The following SLC25A26 variants were observed in gnomAD, a reference collection of about 807,000 sequenced individuals.
The protein encoded by SLC25A26 is solute carrier family 25 member 26, also known as mitochondrial S-adenosylmethionine carrier protein.
A neutral mutation model predicts 37.8 loss-of-function variants in SLC25A26; 36 were observed. The ratio of observed to expected loss-of-function variants is 0.95; its 90% CI spans 0.73 to 1.26. The LOEUF (loss-of-function observed/expected upper bound fraction) is 1.26, where lower values mean the gene tolerates loss of function less well. SLC25A26 is among the 50% of genes most tolerant of loss of function. The pLI, the probability that SLC25A26 is intolerant of heterozygous loss-of-function variation, is 0.00. For synonymous variants in SLC25A26, 129 were observed against 122.5 expected (o/e 1.05, Z -0.35); for missense variants, 390 against 331.1 (o/e 1.18, Z -1.38).
At chr3:66,312,784 G>T (rs2075419279) in intron 5 of SLC25A26, among the ~76,000 whole-genome samples, 1 of 152,242 alleles carries the variant, frequency 6.6e-6, no homozygotes, top group African/African-American at 2.4e-5. Context: ...CTTCTCGGGT[G>T]AGGCAACACC....
At chr3:66,213,347 C>T (rs1233332899) in intron 1 of SLC25A26, among the ~76,000 whole-genome samples, 3 of 131,266 alleles carry the variant, frequency 2.3e-5, no homozygotes, top group Non-Finnish European at 4.6e-5. Context: ...TGGCAATGAG[C>T]CAAGATCATG....
chr3:66,304,966 T>C (rs992628531), intron 5 of SLC25A26, among the ~76,000 whole-genome samples: 5 of 152,186 alleles, frequency 3.3e-5, no homozygotes, highest in African/African-American at 1.2e-4. Context: ...AAGTGTATCT[T>C]GTGATTTATT....
intron 5 of SLC25A26, among the ~76,000 whole-genome samples, chr3:66,269,792 G>T (rs1211804943): frequency 6.6e-6 from 1 of 152,142 alleles, no homozygotes; most frequent in Non-Finnish European, 1.5e-5. Flanking sequence ...ATCTGTCTCT[G>T]TGTATGTTTG....
intron 5 of SLC25A26, among the ~76,000 whole-genome samples, chr3:66,336,720 A>T (rs1021378984): frequency 1.5e-4 from 23 of 152,336 alleles, no homozygotes; most frequent in Non-Finnish European, 5.9e-5. Flanking sequence ...TTCAGGTTTC[A>T]TGAACAAGAA....
intron 1 of SLC25A26, among the ~76,000 whole-genome samples, chr3:66,192,244 A>G (rs2106792679): frequency 7.2e-6 from 1 of 139,418 alleles, no homozygotes; most frequent in African/African-American, 2.7e-5. Context: ...TGCACCTGGG[A>G]GGCGGAGGTT....
intron 1 of SLC25A26, among the ~76,000 whole-genome samples, chr3:66,200,541 G>A (rs2106812009): frequency 6.6e-6 from 1 of 152,356 alleles, no homozygotes; most frequent in South Asian, 2.1e-4. Flanking sequence ...ACTGCTTATT[G>A]TGGTTGCTCT....
At chr3:66,213,399 CAAAAAAAAAAA>C (rs1169648803) in intron 1 of SLC25A26, among the ~76,000 whole-genome samples, 34 of 28,842 alleles carry the variant, frequency 1.2e-3, no homozygotes, top group African/African-American at 3.4e-3. Context: ...GACTCTGTCT[CAAAAAAAAAAA>C]AAAAAAAAAA....
intron 1 of SLC25A26, among the ~76,000 whole-genome samples, chr3:66,209,502 T>C (rs2071245144): frequency 7.0e-6 from 1 of 142,296 alleles, no homozygotes; most frequent in African/African-American, 2.5e-5. Context: ...TATATGGGTA[T>C]ATAGTTATAT....
intron 1 of SLC25A26, among the ~76,000 whole-genome samples, chr3:66,206,212 G>A (rs980689418): frequency 7.2e-5 from 11 of 152,232 alleles, no homozygotes; most frequent in African/African-American, 2.4e-4. Flanking sequence ...GGGACTGTCC[G>A]CCATAACTGT....
At chr3:66,281,342 C>T (rs551622183) in intron 5 of SLC25A26, among the ~76,000 whole-genome samples, 139 of 152,234 alleles carry the variant, frequency 9.1e-4, no homozygotes, top group Non-Finnish European at 1.7e-3. Flanking sequence ...GCAATCTATG[C>T]GGTAATATTT....
At chr3:66,224,877 A>G (rs782707216) in intron 1 of SLC25A26, among the ~76,000 whole-genome samples, 2 of 152,208 alleles carry the variant, frequency 1.3e-5, no homozygotes, top group Admixed American at 6.5e-5. Flanking sequence ...GCCCCATGCA[A>G]GTCTGAAATC....
At chr3:66,193,505 A>C (rs1002832355) in intron 1 of SLC25A26, among the ~76,000 whole-genome samples, 1 of 152,214 alleles carries the variant, frequency 6.6e-6, no homozygotes, top group Non-Finnish European at 1.5e-5. Flanking sequence ...TCCAGAAATT[A>C]AATCAGTTCA....
intron 9 of SLC25A26, among the ~76,000 whole-genome samples, chr3:66,373,726 A>G (rs1366162936): frequency 6.8e-6 from 1 of 146,828 alleles, no homozygotes; most frequent in Non-Finnish European, 1.5e-5. Context: ...TACAATTTTC[A>G]TGGTTATTTT....
intron 5 of SLC25A26, among the ~76,000 whole-genome samples, chr3:66,328,093 G>A (rs2075883078): frequency 6.6e-6 from 1 of 152,086 alleles, no homozygotes; most frequent in Admixed American, 6.5e-5. Flanking sequence ...GCCATTGGTT[G>A]TTGGTGGTCA....
Position 66,377,694 on chromosome 3 carries a change from T to C in SLC25A26, c.712T>C (p.Phe238Leu). ...AAATCCTGTTTTTTCCCCTAGATTATTTGCAGGTGTCTTCCCTCGAATGGC... is the reference window on the plus strand; with the variant it reads ...AAATCCTGTTTTTTCCCCTAGATTACTTGCAGGTGTCTTCCCTCGAATGGC... ...VWRSQGLAGLFAGVFPRMAAI... is the reference protein window; with the variant it reads ...VWRSQGLAGLLAGVFPRMAAI... The change falls in exon 10 of 10, where the codon TTT becomes CTT. Residue 238 changes from phenylalanine (F) to leucine (L), a missense_variant. Physicochemically the swap from Phe to Leu is conservative, Grantham distance 22 (BLOSUM62 0). Coordinates refer to ENST00000354883, the MANE Select transcript of SLC25A26 (RefSeq NM_001379210.1). 6.2e-7 allele frequency: 1 copy of C among 1,612,830 alleles called. No individual in the cohort carries two copies. The highest frequency in any genetic ancestry group is 8.5e-7 in the Non-Finnish European group (1 of 1,178,916).
intron 3 of SLC25A26, among the ~76,000 whole-genome samples, chr3:66,260,040 A>G (rs1207029832): frequency 6.6e-6 from 1 of 152,038 alleles, no homozygotes; most frequent in Non-Finnish European, 1.5e-5. Context: ...TTTATTGTTC[A>G]TTCTTCCCAC....
chr3:66,263,970 A>G (rs977877224), intron 5 of SLC25A26, among the ~76,000 whole-genome samples: 1 of 151,482 alleles, frequency 6.6e-6, no homozygotes, highest in Non-Finnish European at 1.5e-5. Flanking sequence ...CCGGCCTCTT[A>G]TAGTTGAAGT....
At chr3:66,272,553 A>G (rs1208073879) in intron 5 of SLC25A26, among the ~76,000 whole-genome samples, 1 of 152,090 alleles carries the variant, frequency 6.6e-6, no homozygotes, top group African/African-American at 2.4e-5. Context: ...AGTGCATATT[A>G]TCACGTTTGC....
chr3:66,305,615 C>A (rs1471035828), intron 5 of SLC25A26, among the ~76,000 whole-genome samples: 12 of 152,222 alleles, frequency 7.9e-5, no homozygotes, highest in African/African-American at 2.4e-4. Context: ...CCCTTCCCCC[C>A]ACCCCACCCT....
Sources: allele counts gnomAD v4.1 joint callset (sites outside exome capture counted in the v4.1 genomes callset), GRCh38; gene constraint gnomAD v4.1.1; transcripts MANE v1.5; gene names NCBI Gene and HGNC (gene_info 2026-07-23, HGNC 2026-07-21).